ATP5MG: variants seen among roughly 807,000 people sequenced by gnomAD.
ATP5MG encodes ATP synthase membrane subunit g, also known as ATP synthase F(0) complex subunit g, mitochondrial.
In ATP5MG, 7 loss-of-function variants were observed where a neutral mutation model predicts 12.7. That is an observed-to-expected ratio of 0.55 (90% CI 0.31 to 1.04). The LOEUF (loss-of-function observed/expected upper bound fraction) is 1.04. Among genes scored for constraint, ATP5MG ranks in the 50% least tolerant of loss-of-function variants. ATP5MG has a pLI of 0.05. For missense variants in ATP5MG, 116 were observed against 126.7 expected (o/e 0.92, Z 0.41); for synonymous variants, 53 against 48.2 (o/e 1.10, Z -0.41).
chr11:118,408,944 T>C, intron 2 of ATP5MG, 56 bp from the exon 3 acceptor site: 2 of 439,120 alleles, frequency 4.6e-6, no homozygotes, highest in Non-Finnish European at 3.5e-6. Flanking sequence ...TATATATATA[T>C]ATATAATTAT....
At chr11:118,406,878 T>G in intron 1 of ATP5MG, 59 bp from the exon 2 acceptor site, 1 of 1,542,408 alleles carries the variant, frequency 6.5e-7, no homozygotes, top group Non-Finnish European at 8.7e-7. Context: ...CACATCTGCT[T>G]CTTTCGGTCT....
chr11:118,409,054 G>A lies in ATP5MG; in HGVS notation c.268G>A (p.Gly90Arg), dbSNP rs200472961. 16 of 1,606,914 alleles carry A rather than the reference G, an allele frequency of 1.0e-5. No individual in the cohort carries two copies. The highest frequency in any genetic ancestry group is 4.5e-5 in the East Asian group (2 of 44,396). ...ATEVLMWFYV[G>R]EIIGKRGIIG... ...TGAGGTGTTGATGTGGTTTTATGTC[G>A]GAGAGATTATAGGCAAGCGGGGCAT... The change falls in exon 3 of 3, where the codon GGA (glycine) becomes AGA (arginine). Residue 90 changes from glycine (G) to arginine (R), a missense_variant. Physicochemically the swap from Gly to Arg is moderately radical, Grantham distance 125. Transcript: ENST00000300688.
chr11:118,404,846 A>G (rs1486221956), intron 1 of ATP5MG, among the ~76,000 whole-genome samples: 1 of 152,196 alleles, frequency 6.6e-6, no homozygotes, highest in African/African-American at 2.4e-5. Flanking sequence ...TTTCTGTGAG[A>G]AAGATTTGTC....
chr11:118,405,674 T>C, intron 1 of ATP5MG: 1 of 985,382 alleles, frequency 1.0e-6, no homozygotes, highest in Non-Finnish European at 1.2e-6. Flanking sequence ...CAGTTCTGTT[T>C]GGAACTATCT....
intron 1 of ATP5MG, among the ~76,000 whole-genome samples, chr11:118,403,270 C>G (rs1005883076): frequency 5.0e-4 from 75 of 149,192 alleles, no homozygotes; most frequent in Admixed American, 3.9e-3. Flanking sequence ...CCAAGGCGGG[C>G]AGATCACTTG....
intron 1 of ATP5MG, among the ~76,000 whole-genome samples, chr11:118,404,908 T>A (rs1383557707): frequency 1.3e-5 from 2 of 152,250 alleles, no homozygotes; most frequent in African/African-American, 4.8e-5. Context: ...GTACATTGAT[T>A]TCATACTTTC....
chr11:118,403,410 C>T (rs1174865554), intron 1 of ATP5MG, among the ~76,000 whole-genome samples: 3 of 152,054 alleles, frequency 2.0e-5, no homozygotes, highest in Admixed American at 6.5e-5. Flanking sequence ...GCAGGAGAAT[C>T]GCTTGAACCC....
At chr11:118,402,835 G>T (rs1948940575) in intron 1 of ATP5MG, among the ~76,000 whole-genome samples, 1 of 151,772 alleles carries the variant, frequency 6.6e-6, no homozygotes, top group African/African-American at 2.4e-5. Context: ...GAGTAGCTGG[G>T]ATCACAGGCA....
chr11:118,405,709 G>C (rs1340079467), intron 1 of ATP5MG: 1 of 984,928 alleles, frequency 1.0e-6, no homozygotes, highest in Non-Finnish European at 1.2e-6. Context: ...TCTGCTTAAA[G>C]GTATGCCCAT....
chr11:118,405,783 A>G (rs1480825361), intron 1 of ATP5MG: 1 of 884,252 alleles, frequency 1.1e-6, no homozygotes, highest in Non-Finnish European at 1.4e-6. Flanking sequence ...GGCCGTTAAT[A>G]TGAGGAAAAC....
In ATP5MG at chr11:118,406,868, C is replaced by T. The variant is rs1358271334; in HGVS notation, c.53-69C>T. On this transcript the variant is annotated intron_variant, in intron 1 of 2. Transcript: ENST00000300688. ...TGAATAAATATTTGTGTCCAGCCCA[C>T]ACATCTGCTTCTTTCGGTCTCTAGT... 6 of 1,535,214 alleles carry T rather than the reference C, an allele frequency of 3.9e-6. No homozygotes were observed. In the African/African-American group the frequency reaches 8.3e-5, roughly 21 times the overall value.
At chr11:118,405,777 G>A (rs17122157) in intron 1 of ATP5MG, 130,117 of 904,542 alleles carry the variant, frequency 0.14, 11,042 homozygotes, top group East Asian at 0.51. Context: ...AATGGAGGCC[G>A]TTAATATGAG....
intron 1 of ATP5MG, among the ~76,000 whole-genome samples, chr11:118,403,536 C>T (rs1165074443): frequency 2.0e-5 from 3 of 151,846 alleles, no homozygotes; most frequent in African/African-American, 7.3e-5. Flanking sequence ...TGGCTCACGC[C>T]TGTAATCCCA....
chr11:118,401,889 C>A (rs1045882813), intron 1 of ATP5MG, 172 bp downstream of exon 1: 3 of 708,508 alleles, frequency 4.2e-6, no homozygotes, highest in Non-Finnish European at 6.9e-6. Flanking sequence ...TCTAGCCTTC[C>A]ACTCGTCTGA....
In ATP5MG at chr11:118,401,719, T is replaced by G. The variant is rs1591315249; in HGVS notation, c.52+2T>G. 6.2e-7 allele frequency: 1 copy of G among 1,612,298 alleles called. No individual in the cohort carries two copies. The highest frequency in any genetic ancestry group is 1.7e-4 in the Middle Eastern group (1 of 6,046). On this transcript the variant is annotated splice_donor_variant, in intron 1 of 2. Coordinates refer to ENST00000300688, the MANE Select transcript of ATP5MG (RefSeq NM_006476.5). LOFTEE classifies it high-confidence loss of function. ...AGAAGACCCCGGCGCTGGTGAACGGTGAGCGCGATGTGAGACCGCCGAGGC... is the reference window on the plus strand; with the variant it reads ...AGAAGACCCCGGCGCTGGTGAACGGGGAGCGCGATGTGAGACCGCCGAGGC...
chr11:118,409,166 G>A lies in ATP5MG; in HGVS notation c.*68G>A. The A allele has an allele frequency of 1.9e-6, 2 of 1,044,304 alleles. No homozygotes were observed. The highest frequency in any genetic ancestry group is 2.7e-6 in the Non-Finnish European group (2 of 735,592). 64.7% of individuals were successfully genotyped at this position (1,044,304 alleles called of 1,614,324 possible). A position where few individuals can be genotyped will look rare whatever the true frequency, so the allele number is the denominator to read the frequency against. On this transcript the variant is annotated 3_prime_UTR_variant, in exon 3 of 3. Coordinates refer to ENST00000300688, the MANE Select transcript of ATP5MG (RefSeq NM_006476.5). The stretch of plus-strand genomic sequence containing the variant: ...AGTGTTGTTGGACCATGTGTGATCA[G>A]ACTGCTATCTGAATAAAATAAGATT...
rs1315412876 is a variant in ATP5MG at position 118,406,963 on chromosome 11, T to A, written c.79T>A (p.Leu27Met). The A allele has an allele frequency of 1.1e-5, 17 of 1,612,724 alleles. No homozygotes were observed. In the African/African-American group the frequency reaches 2.1e-4, roughly 20 times the overall value. The change falls in exon 2 of 3, where the codon TTG becomes ATG. Residue 27 changes from leucine (L) to methionine (M), a missense_variant. Coordinates refer to ENST00000300688, the MANE Select transcript of ATP5MG (RefSeq NM_006476.5). The part of the protein sequence containing the change: ...NAAVTYSKPR[L>M]ATFWYYAKVE... ...TGCTGTGACTTACTCGAAGCCTCGA[T>A]TGGCCACATTTTGGTACTACGCCAA... is the stretch of plus-strand genomic sequence containing the variant.
At chr11:118,408,624 G>A (rs953434594) in intron 2 of ATP5MG, among the ~76,000 whole-genome samples, 20 of 152,048 alleles carry the variant, frequency 1.3e-4, no homozygotes, top group Admixed American at 7.2e-4. Context: ...TCAGAGACTC[G>A]GCCTTCCTAT....
rs1591317982 is a variant in ATP5MG at position 118,407,015 on chromosome 11, C to T, written c.131C>T (p.Ala44Val). The T allele has an allele frequency of 6.2e-6, 10 of 1,614,094 alleles. No individual in the cohort carries two copies. Among genetic ancestry groups the T allele is most frequent in the Non-Finnish European group, 8.5e-6 (10 of 1,180,004 alleles). ...AKVELVPPTP[A>V]EIPRAIQSLK... is the part of the protein sequence containing the mutation. ...GTTGAGCTGGTTCCTCCCACCCCTG[C>T]TGAGATCCCTAGAGCTATTCAGAGC... Residue 44 changes from alanine to valine, a missense_variant, in exon 2 of 3, where the codon GCT (alanine) becomes GTT (valine). By Grantham distance (64) the Ala-to-Val change is moderately conservative (BLOSUM62 0). Coordinates refer to ENST00000300688, the MANE Select transcript of ATP5MG (RefSeq NM_006476.5).
Sources: gnomAD v4.1 joint callset for allele counts (sites outside exome capture counted in the v4.1 genomes callset) on GRCh38, gnomAD v4.1.1 for gene constraint, MANE v1.5 for transcripts, NCBI Gene and HGNC (gene_info 2026-07-23, HGNC 2026-07-21) for gene names.